The following RPTOR variants were observed in gnomAD, a reference collection of about 807,000 sequenced individuals.
RPTOR encodes regulatory associated protein of MTOR complex 1.
RPTOR carries 21 observed loss-of-function variants against 169.9 expected under a neutral mutation model. That is an observed-to-expected ratio of 0.12 (90% CI 0.09 to 0.18). The LOEUF (loss-of-function observed/expected upper bound fraction) is 0.18. RPTOR is among the 10% of genes least tolerant of loss of function. The pLI is 1.00. For synonymous variants in RPTOR, 732 were observed against 753.2 expected (o/e 0.97, Z 0.46); for missense variants, 1,133 against 1,855.9 (o/e 0.61, Z 7.16).
At chr17:80,583,193 T>G (rs150061463) in intron 1 of RPTOR, among the ~76,000 whole-genome samples, 5,784 of 133,906 alleles carry the variant, frequency 0.043, 188 homozygotes, top group South Asian at 0.072. Flanking sequence ...TTTTTTTTTT[T>G]TTTTTTTTTT....
At chr17:80,866,840 A>T (rs1231422348) in intron 13 of RPTOR, among the ~76,000 whole-genome samples, 2 of 152,152 alleles carry the variant, frequency 1.3e-5, no homozygotes, top group Non-Finnish European at 2.9e-5. Context: ...TTGGCCTCCC[A>T]AAGTGCTGGG....
chr17:80,629,777 C>A (rs542070438), intron 2 of RPTOR, among the ~76,000 whole-genome samples: 1 of 147,046 alleles, frequency 6.8e-6, no homozygotes, highest in South Asian at 2.2e-4. Flanking sequence ...GACATTGTAC[C>A]GCAGCTCTTC....
chr17:80,825,803 TCCAGC>T (rs2067435805), intron 9 of RPTOR, among the ~76,000 whole-genome samples: 1 of 152,186 alleles, frequency 6.6e-6, no homozygotes, highest in African/African-American at 2.4e-5. Flanking sequence ...CCTTTAGTGA[TCCAGC>T]CCGCATGGTC....
intron 13 of RPTOR, among the ~76,000 whole-genome samples, chr17:80,877,646 T>A (rs1284896804): frequency 1.3e-5 from 2 of 152,240 alleles, no homozygotes; most frequent in Non-Finnish European, 2.9e-5. Flanking sequence ...GAAGGTGCCT[T>A]CATTCTCAGA....
intron 9 of RPTOR, among the ~76,000 whole-genome samples, chr17:80,833,315 G>C (rs139955944): frequency 9.9e-5 from 15 of 152,182 alleles, no homozygotes; most frequent in East Asian, 3.9e-4. Flanking sequence ...CAGCTGCTGG[G>C]GGGGAGGAGC....
chr17:80,822,393 C>T (rs766291417), intron 8 of RPTOR, 92 bp downstream of exon 8: 6 of 1,225,474 alleles, frequency 4.9e-6, no homozygotes, highest in South Asian at 4.8e-5. Flanking sequence ...AGATAGGATC[C>T]GTGAGTGCCT....
rs2066285216 is a variant in RPTOR, at chr17:80,721,400, A to G, written c.508-9160A>G. 6.6e-6 allele frequency among the ~76,000 whole-genome samples: 1 copy of G among 151,306 alleles called. No individual in the cohort carries two copies. Among genetic ancestry groups the G allele is most frequent in the Admixed American group, 6.6e-5 (1 of 15,262 alleles). ...GGGTAAGCAAGGAGGTGTGAGAATC[A>G]CTCACTTCCTCGGCAGGGCCTGCAC... is the stretch of plus-strand genomic sequence containing the variant. On this transcript the variant is annotated intron_variant, in intron 4 of 33. Transcript: ENST00000306801. The surrounding 1 kb of genome is among the most constrained non-coding windows in gnomAD (Gnocchi z 4.7).
rs181049989 is a variant in RPTOR at position 80,589,077 on chromosome 17, A to G, written c.163-36614A>G. The stretch of plus-strand genomic sequence containing the variant: ...GGTGACTGCCAGTCCCTGTGTGCCC[A>G]GGGCAGTCCTAGGGATGAATAATTA... On this transcript the variant is annotated intron_variant, in intron 1 of 33. Transcript: ENST00000306801. Among the ~76,000 whole-genome samples the G allele has an allele frequency of 1.6e-3, 249 of 152,316 alleles. 1 individual carries two copies. The highest frequency in any genetic ancestry group is 2.9e-3 in the Non-Finnish European group (197 of 68,020).
At chr17:80,605,994 G>T (rs562252103) in intron 1 of RPTOR, among the ~76,000 whole-genome samples, 1 of 152,190 alleles carries the variant, frequency 6.6e-6, no homozygotes, top group African/African-American at 2.4e-5. Context: ...TTTTCTATGC[G>T]TGTCTCTTAC....
At chr17:80,868,628 A>G (rs541876994) in intron 13 of RPTOR, among the ~76,000 whole-genome samples, 44 of 152,338 alleles carry the variant, frequency 2.9e-4, no homozygotes, top group Admixed American at 9.1e-4. Flanking sequence ...TTTCCTAGGT[A>G]TTCCCCAAGA....
chr17:80,771,850 C>T (rs58736713), intron 6 of RPTOR, among the ~76,000 whole-genome samples: 2,851 of 152,304 alleles, frequency 0.019, 95 homozygotes, highest in African/African-American at 0.065. Context: ...CCCGTCTTCT[C>T]GCTCGGGCAC....
chr17:80,587,304 C>T (rs958300823), intron 1 of RPTOR, among the ~76,000 whole-genome samples: 1 of 152,228 alleles, frequency 6.6e-6, no homozygotes, highest in Non-Finnish European at 1.5e-5. Flanking sequence ...ATAGTATCTG[C>T]GCTCTTTTGT....
chr17:80,824,621 A>G (rs1225081543), intron 9 of RPTOR, among the ~76,000 whole-genome samples: 2 of 152,262 alleles, frequency 1.3e-5, no homozygotes, highest in East Asian at 3.9e-4. Context: ...AAAAAGCTGA[A>G]GGGGTCAGTG....
chr17:80,922,252 G>T (rs554034071), intron 21 of RPTOR, among the ~76,000 whole-genome samples: 1 of 152,342 alleles, frequency 6.6e-6, no homozygotes, highest in African/African-American at 2.4e-5. Context: ...GATTCTTCCC[G>T]GGCCTCAACT....
intron 7 of RPTOR, among the ~76,000 whole-genome samples, chr17:80,793,320 G>GTA (rs937569877): frequency 2.0e-5 from 3 of 152,142 alleles, no homozygotes; most frequent in Non-Finnish European, 4.4e-5. Flanking sequence ...CTTAACCTGT[G>GTA]TATATATATT....
chr17:80,757,585 T>G lies in RPTOR; in HGVS notation c.830+3400T>G, dbSNP rs577520373. ...GACTGGGTAATTTAAAATGACAATTTTTTGTATTCTGTAAATTGATATATC... is the reference window on the plus strand; with the variant it reads ...GACTGGGTAATTTAAAATGACAATTGTTTGTATTCTGTAAATTGATATATC... On this transcript the variant is annotated intron_variant, in intron 6 of 33. Transcript: ENST00000306801. Among the ~76,000 whole-genome samples the G allele has an allele frequency of 2.6e-5, 4 of 152,322 alleles. No individual in the cohort carries two copies. The East Asian group carries it at 7.7e-4, about 29-fold the overall frequency.
At chr17:80,797,867 T>G (rs543600799) in intron 7 of RPTOR, among the ~76,000 whole-genome samples, 3 of 152,342 alleles carry the variant, frequency 2.0e-5, no homozygotes, top group African/African-American at 7.2e-5. Context: ...CACCAACATA[T>G]GTTAACTCCC....
At position 80,861,691 on chromosome 17, in the gene RPTOR, A is replaced by C. The variant is rs1388335301; in HGVS notation, c.1509+3791A>C. ...GAAGGGAGGAAGAGATGCCATCTGC[A>C]TGCAGAGGTCTGGGATTACGGCCGC... On this transcript the variant is annotated intron_variant, in intron 13 of 33. Coordinates refer to ENST00000306801, the MANE Select transcript of RPTOR (RefSeq NM_020761.3). This position sits in a 1 kb window ranked among gnomAD's most constrained non-coding sequence, Gnocchi z 4.5. 6.6e-6 allele frequency among the ~76,000 whole-genome samples: 1 copy of C among 152,222 alleles called. No homozygotes were observed.
rs9914027 is a variant in RPTOR at position 80,789,322 on chromosome 17, G to A, written c.831-2128G>A. ...ATTACACTGATCTTGTAGAGGCTTC[G>A]TTATAGGACTAGGCTCTTTTGGCTT... On this transcript the variant is annotated intron_variant, in intron 6 of 33. Transcript: ENST00000306801. Among the ~76,000 whole-genome samples, 1,295 of 152,208 alleles carry A rather than the reference G, an allele frequency of 8.5e-3. 22 individuals are homozygous for A. Among genetic ancestry groups the A allele is most frequent in the African/African-American group, 0.029 (1,211 of 41,528 alleles).
Sources: gnomAD v4.1 joint callset for allele counts (sites outside exome capture counted in the v4.1 genomes callset) on GRCh38, gnomAD v4.1.1 for gene constraint, Gnocchi (gnomAD v3.1) non-coding constraint, MANE v1.5 for transcripts, NCBI Gene and HGNC (gene_info 2026-07-23, HGNC 2026-07-21) for gene names.